Variants in CTR9 observed in about 807,000 individuals in gnomAD.
CTR9 encodes RNA polymerase-associated protein CTR9 homolog.
Under a neutral mutation model 152.1 loss-of-function variants are expected in CTR9, and 41 were observed. That is an observed-to-expected ratio of 0.27 (90% confidence interval 0.21 to 0.35). CTR9 has a LOEUF of 0.35. Among genes scored for constraint, CTR9 ranks in the 10% least tolerant of loss-of-function variants. CTR9 has a pLI of 1.00. For missense variants in CTR9, 917 were observed against 1,424.4 expected (o/e 0.64, Z 5.73); for synonymous variants, 476 against 496.2 (o/e 0.96, Z 0.54).
Position 10,768,176 on chromosome 11 carries a change from T to A in CTR9, c.1960+15T>A. 1 of 1,605,394 alleles carries A rather than the reference T, an allele frequency of 6.2e-7. No homozygotes were observed. The highest frequency in any genetic ancestry group is 2.2e-5 in the East Asian group (1 of 44,832). ...CAATGGCATAGGTGATTATAAGACT[T>A]GAGTACCCATAACAATTTGTTTCAA... On this transcript the variant is annotated intron_variant, in intron 15 of 24. Coordinates refer to ENST00000361367, the MANE Select transcript of CTR9 (RefSeq NM_014633.5).
chr11:10,759,490 C>T (rs1166591978), intron 5 of CTR9, among the ~76,000 whole-genome samples: 1 of 152,172 alleles, frequency 6.6e-6, no homozygotes, highest in Non-Finnish European at 1.5e-5. Flanking sequence ...GGGAATTAGA[C>T]ATAGCAAGCG....
chr11:10,753,267 G>T (rs761339704), intron 2 of CTR9, among the ~76,000 whole-genome samples: 11 of 152,118 alleles, frequency 7.2e-5, no homozygotes, highest in Non-Finnish European at 1.5e-4. Context: ...CCTTCAATGT[G>T]AATCTTACTG....
At position 10,773,222 on chromosome 11, in the gene CTR9, T is replaced by C. The variant is rs769682969; in HGVS notation, c.2676T>C (p.Thr892=). The C allele has an allele frequency of 1.2e-6, 2 of 1,613,114 alleles. No homozygotes were observed. The highest frequency in any genetic ancestry group is 3.4e-5 in the Admixed American group (2 of 59,676). The change falls in exon 21 of 25, where the codon ACT becomes ACC. Residue 892 remains threonine (T), a synonymous_variant. Transcript: ENST00000361367. ...VEKTKNILMF[T]GETEATKEKK... ...AGACCAAAAATATTCTTATGTTTAC[T>C]GGTGAGACTGAAGCAACAAAAGAGA...
chr11:10,751,514 C>T (rs1862801352), intron 1 of CTR9, 57 bp downstream of exon 1: 19 of 1,498,180 alleles, frequency 1.3e-5, no homozygotes, highest in Non-Finnish European at 1.8e-5. Flanking sequence ...TCGCCCCCAC[C>T]GACTTCGCTC....
At chr11:10,771,377 C>G (rs1863140647) in intron 18 of CTR9, among the ~76,000 whole-genome samples, 168 bp from the exon 19 acceptor site, 1 of 152,076 alleles carries the variant, frequency 6.6e-6, no homozygotes, top group Non-Finnish European at 1.5e-5. Flanking sequence ...TAACTTAGAC[C>G]ATCTTGATGA....
intron 18 of CTR9, among the ~76,000 whole-genome samples, chr11:10,770,864 A>G (rs1334611078): frequency 1.3e-5 from 2 of 152,212 alleles, no homozygotes; most frequent in Non-Finnish European, 2.9e-5. Context: ...ATCCTGCCAG[A>G]TTTGGATCTT....
chr11:10,778,101 G>C (rs1178742323), intron 24 of CTR9, among the ~76,000 whole-genome samples: 1 of 152,204 alleles, frequency 6.6e-6, no homozygotes, highest in Non-Finnish European at 1.5e-5. Flanking sequence ...TTTAGCCCCA[G>C]TTCCCTATCT....
intron 5 of CTR9, 61 bp downstream of exon 5, chr11:10,756,899 AT>A: frequency 9.5e-7 from 1 of 1,047,560 alleles, no homozygotes; most frequent in South Asian, 1.4e-5. Flanking sequence ...AGCATTGAGG[AT>A]TTGTCAGTTG....
intron 6 of CTR9, among the ~76,000 whole-genome samples, chr11:10,761,389 T>C (rs1862975547): frequency 1.7e-5 from 1 of 58,216 alleles, no homozygotes; most frequent in Non-Finnish European, 3.7e-5. Flanking sequence ...CCAACCCAAA[T>C]GGCTGTTGGG....
chr11:10,779,709 C>A lies in CTR9; in HGVS notation c.*604C>A, dbSNP rs1429342935. 1 of 152,210 alleles carries A rather than the reference C, an allele frequency of 6.6e-6. No individual in the cohort carries two copies. The highest frequency in any genetic ancestry group is 1.5e-5 in the Non-Finnish European group (1 of 68,054). The allele number at this position is 152,210 out of a possible 1,614,324, so 9.4% of individuals were successfully genotyped here. Reference sequence around the variant, plus strand: ...TCTGTTAGTAGAATGCAAAAACCTACCTAAGCCACATAATAATAAAATTCT... The same window carrying A: ...TCTGTTAGTAGAATGCAAAAACCTAACTAAGCCACATAATAATAAAATTCT... On this transcript the variant is annotated 3_prime_UTR_variant, in exon 25 of 25. Transcript: ENST00000361367.
chr11:10,771,704 T>A, intron 19 of CTR9, 88 bp downstream of exon 19: 1 of 872,320 alleles, frequency 1.1e-6, no homozygotes. Flanking sequence ...GAACAGAGGT[T>A]CCTGACCTTC....
intron 7 of CTR9, among the ~76,000 whole-genome samples, chr11:10,762,739 C>A (rs1862996761): frequency 6.6e-6 from 1 of 152,128 alleles, no homozygotes; most frequent in Non-Finnish European, 1.5e-5. Context: ...AGTAGTGGCT[C>A]ATGCCTGTAA....
chr11:10,752,720 A>G lies in CTR9; in HGVS notation c.94A>G (p.Ser32Gly), dbSNP rs1862825105. Residue 32 changes from serine (S) to glycine (G), a missense_variant, in exon 2 of 25, where the codon AGT becomes GGT. Ser to Gly is a moderately conservative substitution (Grantham distance 56, BLOSUM62 0). This residue lies in a region of CTR9 where 14 missense variants were observed against 48.7 expected (regional missense o/e 0.29). Coordinates refer to ENST00000361367, the MANE Select transcript of CTR9 (RefSeq NM_014633.5). ...DQLPEGDEVISILKQEHTQLH... is the reference protein window; with the variant it reads ...DQLPEGDEVIGILKQEHTQLH... Reference sequence around the variant, plus strand: ...GTTACCGGAGGGAGATGAAGTTATCAGTATTCTGAAACAGGAACACACACA... The same window carrying G: ...GTTACCGGAGGGAGATGAAGTTATCGGTATTCTGAAACAGGAACACACACA... The G allele has an allele frequency of 1.2e-6, 2 of 1,614,086 alleles. No homozygotes were observed. Among genetic ancestry groups the G allele is most frequent in the Non-Finnish European group, 1.7e-6 (2 of 1,179,942 alleles).
chr11:10,755,273 A>T, intron 3 of CTR9, 76 bp downstream of exon 3: 1 of 1,489,790 alleles, frequency 6.7e-7, no homozygotes, highest in Non-Finnish European at 9.0e-7. Flanking sequence ...GTGATAGCAG[A>T]TTTTTTGAAA....
chr11:10,755,783 C>A lies in CTR9; in HGVS notation c.490C>A (p.Pro164Thr). The A allele has an allele frequency of 6.2e-7, 1 of 1,606,224 alleles. No homozygotes were observed. Among genetic ancestry groups the A allele is most frequent in the Non-Finnish European group, 8.5e-7 (1 of 1,173,926 alleles). ...ACTCAATCAGTCTCCAAATAATATT[C>A]CAGCCCTTCTTGGTAAGTGGTCTTT... ...FVLNQSPNNI[P>T]ALLGKACISF... is the part of the protein sequence containing the mutation. Residue 164 changes from proline (P) to threonine (T), a missense_variant, in exon 4 of 25, where the codon CCA (proline) becomes ACA (threonine). By Grantham distance (38) the Pro-to-Thr change is conservative. This residue lies in a region of CTR9 where 110 missense variants were observed against 149.5 expected (regional missense o/e 0.74). Transcript: ENST00000361367.
Position 10,774,323 on chromosome 11 carries a change from C to A in CTR9, c.2885+154C>A, listed in dbSNP as rs754770392. On this transcript the variant is annotated intron_variant, in intron 22 of 24. Coordinates refer to ENST00000361367, the MANE Select transcript of CTR9 (RefSeq NM_014633.5). ...CTTCCTACTTTAATCCTAAGATAGA[C>A]CCCAGTACAAAATCCACTGAGTACC... 5 of 841,574 alleles carry A rather than the reference C, an allele frequency of 5.9e-6. No individual in the cohort carries two copies. The South Asian group carries it at 9.3e-5, about 16-fold the overall frequency. 52.1% of individuals were successfully genotyped at this position (841,574 alleles called of 1,614,324 possible).
At position 10,755,004 on chromosome 11, in the gene CTR9, T is replaced by C; in HGVS notation, c.191T>C (p.Leu64Ser). 1 of 1,614,006 alleles carries C rather than the reference T, an allele frequency of 6.2e-7. No homozygotes were observed. Among genetic ancestry groups the C allele is most frequent in the Non-Finnish European group, 8.5e-7 (1 of 1,179,960 alleles). Residue 64 changes from leucine to serine, a missense_variant, in exon 3 of 25, where the codon TTG becomes TCG. Around this residue, in one of 9 missense-constraint regions of CTR9, gnomAD observed 67 missense variants for 106.9 expected, o/e 0.63. Coordinates refer to ENST00000361367, the MANE Select transcript of CTR9 (RefSeq NM_014633.5). ...QGKTEEFVKL[L>S]EAARIDGNLD... ...AAAACAGAAGAGTTTGTAAAATTGTTGGAAGCAGCACGTATAGATGGCAAT... is the reference window on the plus strand; with the variant it reads ...AAAACAGAAGAGTTTGTAAAATTGTCGGAAGCAGCACGTATAGATGGCAAT...
rs377113463 is a variant in CTR9, at chr11:10,774,695, CTTG to C, written c.2886-507_2886-505del. Among the ~76,000 whole-genome samples the C allele has an allele frequency of 1.8e-4, 27 of 152,356 alleles. 1 individual carries two copies. In the East Asian group the frequency reaches 2.7e-3, roughly 15 times the overall value. ...GCCTCCTAAGCTACTTTGGCCCTCT[CTTG>C]TTGTGCTATCCTGTCCCCAGGAACC... On this transcript the variant is annotated intron_variant, in intron 22 of 24. Coordinates refer to ENST00000361367, the MANE Select transcript of CTR9 (RefSeq NM_014633.5).
intron 7 of CTR9, among the ~76,000 whole-genome samples, chr11:10,762,713 T>C (rs1236590353): frequency 6.6e-6 from 1 of 152,198 alleles, no homozygotes; most frequent in Non-Finnish European, 1.5e-5. Context: ...TTTCTTAAAA[T>C]ACTAAATCTA....
Sources: gnomAD v4.1 joint callset for allele counts (sites outside exome capture counted in the v4.1 genomes callset) on GRCh38, gnomAD v4.1.1 for gene constraint, gnomAD v4.1.1 regional missense constraint, MANE v1.5 for transcripts, NCBI Gene and HGNC (gene_info 2026-07-23, HGNC 2026-07-21) for gene names.